Variants in CTNNA3 observed in about 807,000 individuals in gnomAD.
The protein encoded by CTNNA3 is catenin alpha-3.
A neutral mutation model predicts 95.7 loss-of-function variants in CTNNA3; 76 were observed. The ratio of observed to expected loss-of-function variants is 0.79; its 90% confidence interval spans 0.66 to 0.96. The LOEUF is 0.96. CTNNA3 is among the 40% of genes least tolerant of loss of function. The pLI is 0.00. For synonymous variants in CTNNA3, 431 were observed against 374.4 expected, an observed-to-expected ratio of 1.15 and a Z score of -1.74; for missense variants, 1,191 against 1,089.8, an observed-to-expected ratio of 1.09 and a Z score of -1.31.
At chr10:67,478,573 G>A (rs564338420) in intron 5 of CTNNA3, among the ~76,000 whole-genome samples, 83 of 152,212 alleles carry the variant, frequency 5.5e-4, no homozygotes, top group African/African-American at 1.9e-3. Flanking sequence ...GTCCAGACAA[G>A]CAAGCACTAA....
chr10:66,348,518 A>C (rs1350817154), intron 12 of CTNNA3, among the ~76,000 whole-genome samples: 1 of 152,128 alleles, frequency 6.6e-6, no homozygotes, highest in Admixed American at 6.5e-5. Context: ...TATCAGGTTG[A>C]ATCATATGAA....
At chr10:65,995,578 TG>T (rs1468865040) in intron 15 of CTNNA3, among the ~76,000 whole-genome samples, 3 of 152,180 alleles carry the variant, frequency 2.0e-5, no homozygotes, top group Non-Finnish European at 4.4e-5. Context: ...GCAGCGTGCA[TG>T]GGCACGAATG....
intron 7 of CTNNA3, among the ~76,000 whole-genome samples, chr10:66,921,437 G>A (rs997874427): frequency 1.3e-5 from 2 of 152,106 alleles, no homozygotes; most frequent in African/African-American, 2.4e-5. Context: ...TTAGCTCCCC[G>A]TTTTCTCCAT....
chr10:66,341,316 A>G (rs936491114), intron 12 of CTNNA3, among the ~76,000 whole-genome samples: 2 of 151,944 alleles, frequency 1.3e-5, no homozygotes, highest in Middle Eastern at 3.2e-3. Context: ...TCTCTTTGCC[A>G]TGCTGTAACT....
intron 5 of CTNNA3, among the ~76,000 whole-genome samples, chr10:67,424,755 T>C (rs1845857435): frequency 6.6e-6 from 1 of 152,118 alleles, no homozygotes; most frequent in South Asian, 2.1e-4. Flanking sequence ...CTAATTATGC[T>C]CATCGACTAA....
intron 5 of CTNNA3, among the ~76,000 whole-genome samples, chr10:67,323,966 G>C (rs186193223): frequency 7.3e-5 from 11 of 151,700 alleles, no homozygotes; most frequent in African/African-American, 2.7e-4. Flanking sequence ...TACCTTTTTT[G>C]TGTGTGACAC....
intron 1 of CTNNA3, among the ~76,000 whole-genome samples, chr10:67,682,026 T>C (rs1840634648): frequency 6.6e-6 from 1 of 151,826 alleles, no homozygotes; most frequent in South Asian, 2.1e-4. Context: ...GGCGTGGTGG[T>C]GGGCACCCGT....
At chr10:66,228,646 T>C (rs1248934082) in intron 13 of CTNNA3, among the ~76,000 whole-genome samples, 1 of 152,124 alleles carries the variant, frequency 6.6e-6, no homozygotes, top group Non-Finnish European at 1.5e-5. Context: ...TACTTGTATA[T>C]TAGGTCTATT....
chr10:66,654,748 T>C (rs4746619), intron 9 of CTNNA3, among the ~76,000 whole-genome samples: 11,521 of 152,090 alleles, frequency 0.076, 803 homozygotes, highest in East Asian at 0.24. Flanking sequence ...ATATGGCATA[T>C]ACACACAATA....
intron 13 of CTNNA3, among the ~76,000 whole-genome samples, chr10:66,227,249 T>C (rs1011829389): frequency 2.6e-5 from 4 of 152,188 alleles, no homozygotes; most frequent in Non-Finnish European, 4.4e-5. Flanking sequence ...GTGGGCATCA[T>C]TGTCCTATCC....
At chr10:67,373,953 TTGTA>T (rs1172059951) in intron 5 of CTNNA3, among the ~76,000 whole-genome samples, 3 of 152,132 alleles carry the variant, frequency 2.0e-5, no homozygotes, top group African/African-American at 7.2e-5. Flanking sequence ...AGGCACTTAG[TTGTA>T]ATGTTTAATG....
intron 4 of CTNNA3, 58 bp from the exon 5 acceptor site, chr10:67,522,019 C>T (rs1429184415): frequency 6.4e-7 from 1 of 1,558,470 alleles, no homozygotes; most frequent in East Asian, 2.3e-5. Context: ...CTCAAATTCT[C>T]AACTTGCTAA....
intron 7 of CTNNA3, among the ~76,000 whole-genome samples, chr10:67,114,197 A>C (rs1859054328): frequency 6.6e-6 from 1 of 152,162 alleles, no homozygotes; most frequent in Non-Finnish European, 1.5e-5. Flanking sequence ...CTTTCTTTGA[A>C]AATTAAAGAC....
At chr10:67,005,986 T>G (rs1851963938) in intron 7 of CTNNA3, among the ~76,000 whole-genome samples, 1 of 152,020 alleles carries the variant, frequency 6.6e-6, no homozygotes, top group African/African-American at 2.4e-5. Flanking sequence ...GCACCCAACC[T>G]ACTCCATGAT....
chr10:66,850,956 A>T (rs10822926), intron 7 of CTNNA3, among the ~76,000 whole-genome samples: 1 of 151,782 alleles, frequency 6.6e-6, no homozygotes, highest in Non-Finnish European at 1.5e-5. Context: ...CATTTCAGGG[A>T]TTTTAAATTA....
At chr10:67,507,359 C>G in intron 5 of CTNNA3, among the ~76,000 whole-genome samples, 1 of 151,854 alleles carries the variant, frequency 6.6e-6, no homozygotes, top group East Asian at 1.9e-4. Flanking sequence ...GAAGCCCAGT[C>G]TCTACTAAAA....
intron 7 of CTNNA3, among the ~76,000 whole-genome samples, chr10:66,952,207 G>T (rs1848571432): frequency 1.3e-5 from 2 of 152,158 alleles, no homozygotes; most frequent in African/African-American, 2.4e-5. Flanking sequence ...AAAAGTCTTT[G>T]CTAAGATCCA....
chr10:66,759,601 G>T (rs1329318995), intron 9 of CTNNA3, among the ~76,000 whole-genome samples: 1 of 152,102 alleles, frequency 6.6e-6, no homozygotes, highest in Non-Finnish European at 1.5e-5. Flanking sequence ...GTCACAATAG[G>T]CTTTAAAGAC....
chr10:67,678,025 A>C (rs1406004097), intron 1 of CTNNA3, among the ~76,000 whole-genome samples: 1 of 152,206 alleles, frequency 6.6e-6, no homozygotes, highest in Non-Finnish European at 1.5e-5. Flanking sequence ...ATTCTGTAGA[A>C]TCAAAACTAA....
Sources: gnomAD v4.1 joint callset for allele counts (sites outside exome capture counted in the v4.1 genomes callset) on GRCh38, gnomAD v4.1.1 for gene constraint, MANE v1.5 for transcripts, NCBI Gene and HGNC (gene_info 2026-07-23, HGNC 2026-07-21) for gene names.